TMEM132B: variants seen among roughly 807,000 people sequenced by gnomAD.
The protein encoded by TMEM132B is transmembrane protein 132B.
A neutral mutation model predicts 90.8 loss-of-function variants in TMEM132B; 18 were observed. That is an observed-to-expected ratio of 0.20 (90% confidence interval 0.14 to 0.29). The LOEUF (loss-of-function observed/expected upper bound fraction) is 0.29. Ranked by LOEUF, TMEM132B falls within the 10% of genes least tolerant of loss-of-function variation. The pLI, the probability that TMEM132B is intolerant of heterozygous loss-of-function variation, is 1.00. For missense variants in TMEM132B, 1,096 were observed against 1,326.8 expected, an observed-to-expected ratio of 0.83 and a Z score of 2.70; for synonymous variants, 504 against 523.3, an observed-to-expected ratio of 0.96 and a Z score of 0.50.
At chr12:125,339,866 G>A (rs1298529960) in intron 1 of TMEM132B, among the ~76,000 whole-genome samples, 1 of 152,206 alleles carries the variant, frequency 6.6e-6, no homozygotes, top group African/African-American at 2.4e-5. Context: ...CACATTCTGA[G>A]GTGCCAAGGG....
intron 5 of TMEM132B, among the ~76,000 whole-genome samples, chr12:125,637,593 C>T (rs1566096863): frequency 6.6e-6 from 1 of 152,072 alleles, no homozygotes; most frequent in Non-Finnish European, 1.5e-5. Context: ...CAACTTGAAG[C>T]GGGTAGGGGA....
At chr12:125,530,769 C>T (rs1359880245) in intron 4 of TMEM132B, among the ~76,000 whole-genome samples, 2 of 152,220 alleles carry the variant, frequency 1.3e-5, no homozygotes, top group Non-Finnish European at 2.9e-5. Flanking sequence ...GTGTCCTCCC[C>T]TTATAAGGAC....
At chr12:125,452,250 T>C (rs549048553) in intron 3 of TMEM132B, among the ~76,000 whole-genome samples, 21 of 152,356 alleles carry the variant, frequency 1.4e-4, no homozygotes, top group African/African-American at 5.0e-4. Flanking sequence ...TTTCTCTTGT[T>C]GTCCCCAGCA....
At position 125,323,572 on chromosome 12, in the gene TMEM132B, G is replaced by A. The variant is rs528579269; in HGVS notation, c.68-25880G>A. Reference sequence around the variant, plus strand: ...TCTCTTGGTCACCCAAGGCTGGAGTGCAGTGGCACAATCTCAGCTCACTGC... The same window carrying A: ...TCTCTTGGTCACCCAAGGCTGGAGTACAGTGGCACAATCTCAGCTCACTGC... On this transcript the variant is annotated intron_variant, in intron 1 of 8. Coordinates refer to ENST00000682704, the MANE Select transcript of TMEM132B (RefSeq NM_001366854.1). 2.0e-5 allele frequency among the ~76,000 whole-genome samples: 3 copies of A among 152,324 alleles called. No individual in the cohort carries two copies. In the East Asian group the frequency reaches 5.8e-4, roughly 29 times the overall value.
intron 4 of TMEM132B, among the ~76,000 whole-genome samples, chr12:125,526,493 G>A (rs1883466937): frequency 6.6e-6 from 1 of 152,206 alleles, no homozygotes; most frequent in Non-Finnish European, 1.5e-5. Flanking sequence ...ACCTGTGACA[G>A]CCATGGACTG....
chr12:125,200,883 C>T (rs1206271971), intron 1 of TMEM132B, among the ~76,000 whole-genome samples: 2 of 152,182 alleles, frequency 1.3e-5, no homozygotes, highest in African/African-American at 4.8e-5. Context: ...GGACAATTCT[C>T]AGAGGTCTTG....
intron 1 of TMEM132B, among the ~76,000 whole-genome samples, chr12:125,193,936 C>T (rs2136051091): frequency 6.6e-6 from 1 of 152,356 alleles, no homozygotes; most frequent in South Asian, 2.1e-4. Flanking sequence ...TCCTGCTCCA[C>T]CAGCTGTGTG....
chr12:125,584,082 G>A, intron 5 of TMEM132B, 88 bp downstream of exon 5: 1 of 1,588,516 alleles, frequency 6.3e-7, no homozygotes, highest in Non-Finnish European at 8.6e-7. Context: ...TTCTCACTGA[G>A]CATCCCATGC....
At position 125,653,224 on chromosome 12, in the gene TMEM132B, G is replaced by A. The variant is rs535959251; in HGVS notation, c.2107-341G>A. ...CAAAGTGATATTATCTTGAGCAGTA[G>A]CCTGATTTGTTGCACCTGAAATTGA... On this transcript the variant is annotated intron_variant, in intron 8 of 8. Coordinates refer to ENST00000682704, the MANE Select transcript of TMEM132B (RefSeq NM_001366854.1). Among the ~76,000 whole-genome samples, 12 of 152,290 alleles carry A rather than the reference G, an allele frequency of 7.9e-5. 2 individuals are homozygous for A. The South Asian group carries it at 2.5e-3, about 32-fold the overall frequency.
At chr12:125,294,848 G>T (rs1015055838) in intron 1 of TMEM132B, among the ~76,000 whole-genome samples, 1 of 151,996 alleles carries the variant, frequency 6.6e-6, no homozygotes, top group African/African-American at 2.4e-5. Context: ...ATTGTATAAA[G>T]AATTTTTAAT....
In TMEM132B at chr12:125,660,549, A is replaced by T. The variant is rs944905818; in HGVS notation, c.*5839A>T. 3 of 148,938 alleles carry T rather than the reference A, an allele frequency of 2.0e-5. No homozygotes were observed. The highest frequency in any genetic ancestry group is 3.0e-5 in the Non-Finnish European group (2 of 67,758). 9.2% of individuals were successfully genotyped at this position (148,938 alleles called of 1,614,324 possible). A position where few individuals can be genotyped will look rare whatever the true frequency, so the allele number is the denominator to read the frequency against. ...GTTGTTTGCTTTTAGAAATTTTTAA[A>T]AATACAAAAAAAAAGCGCAGAAACA... is the stretch of plus-strand genomic sequence containing the variant. On this transcript the variant is annotated 3_prime_UTR_variant, in exon 9 of 9. Transcript: ENST00000682704.
chr12:125,330,932 T>G (rs1264044619), intron 1 of TMEM132B, among the ~76,000 whole-genome samples: 1 of 152,238 alleles, frequency 6.6e-6, no homozygotes, highest in Non-Finnish European at 1.5e-5. Context: ...CTCAGGAGGC[T>G]GAGGCAGGAG....
intron 2 of TMEM132B, among the ~76,000 whole-genome samples, chr12:125,361,721 T>G (rs1202417283): frequency 6.6e-6 from 1 of 152,222 alleles, no homozygotes; most frequent in African/African-American, 2.4e-5. Flanking sequence ...TCTGCTGCAT[T>G]TAGGGAGCCT....
chr12:125,298,116 C>T (rs1303014416), intron 1 of TMEM132B, among the ~76,000 whole-genome samples: 1 of 152,088 alleles, frequency 6.6e-6, no homozygotes, highest in Non-Finnish European at 1.5e-5. Context: ...ATCAGTTGGG[C>T]AAGGTGGCGC....
chr12:125,432,528 T>TAGAGAGAGAGAGAGAG (rs1163300235), intron 3 of TMEM132B, among the ~76,000 whole-genome samples: 2 of 39,128 alleles, frequency 5.1e-5, no homozygotes, highest in Non-Finnish European at 1.0e-4. Flanking sequence ...TATATATATA[T>TAGAGAGAGAGAGAGAG]AGAGAGAGAG....
At chr12:125,463,653 A>G (rs1881494056) in intron 3 of TMEM132B, among the ~76,000 whole-genome samples, 1 of 152,118 alleles carries the variant, frequency 6.6e-6, no homozygotes, top group South Asian at 2.1e-4. Context: ...CTGGGTCATG[A>G]CCTACCTCCA....
At chr12:125,376,910 CTG>C (rs1878509633) in intron 2 of TMEM132B, among the ~76,000 whole-genome samples, 1 of 152,236 alleles carries the variant, frequency 6.6e-6, no homozygotes, top group Non-Finnish European at 1.5e-5. Flanking sequence ...GGGAAGAAAA[CTG>C]TGACTGGCCT....
chr12:125,275,585 A>G (rs1354269996), intron 1 of TMEM132B, among the ~76,000 whole-genome samples: 1 of 152,232 alleles, frequency 6.6e-6, no homozygotes, highest in African/African-American at 2.4e-5. Context: ...TGCTCAAACA[A>G]AAGATAATTC....
intron 1 of TMEM132B, among the ~76,000 whole-genome samples, chr12:125,331,390 G>A (rs1402408568): frequency 6.6e-6 from 1 of 152,240 alleles, no homozygotes; most frequent in East Asian, 1.9e-4. Context: ...GGGGTCCACG[G>A]CGAAGCCCTG....
Sources: allele counts gnomAD v4.1 joint callset (sites outside exome capture counted in the v4.1 genomes callset), GRCh38; gene constraint gnomAD v4.1.1; transcripts MANE v1.5; gene names NCBI Gene and HGNC (gene_info 2026-07-23, HGNC 2026-07-21).